GUCY2F: variants seen among roughly 807,000 people sequenced by gnomAD.
The protein encoded by GUCY2F is guanylate cyclase 2F, retinal.
Under a neutral mutation model 73.1 loss-of-function variants are expected in GUCY2F, and 61 were observed. The ratio of observed to expected loss-of-function variants is 0.83; its 90% CI spans 0.68 to 1.03. GUCY2F has a LOEUF of 1.03. Ranked by LOEUF, GUCY2F falls within the 50% of genes least tolerant of loss-of-function variation. The pLI is 0.00. For synonymous variants in GUCY2F, 331 were observed against 307.8 expected (o/e 1.08, Z -0.79); for missense variants, 912 against 854.3 (o/e 1.07, Z -0.84).
intron 2 of GUCY2F, among the ~76,000 whole-genome samples, chrX:109,466,576 AAGTTT>A (rs1221798450): frequency 9.0e-6 from 1 of 111,572 alleles, no homozygotes; most frequent in African/African-American, 3.3e-5. Context: ...CATGCTAAAT[AAGTTT>A]AGTTTAAGCC....
chrX:109,413,279 A>C (rs983092788), intron 8 of GUCY2F, among the ~76,000 whole-genome samples: 3 of 112,286 alleles, frequency 2.7e-5, no homozygotes, highest in Non-Finnish European at 5.6e-5. Flanking sequence ...TAGCAAGATG[A>C]GCATTTACAG....
At chrX:109,450,098 C>T (rs1412570023) in intron 5 of GUCY2F, among the ~76,000 whole-genome samples, 2 of 110,798 alleles carry the variant, frequency 1.8e-5, no homozygotes, top group African/African-American at 6.6e-5. Context: ...AGCTGAAGAA[C>T]CAAGGACCAA....
chrX:109,443,116 A>C (rs1420790982), intron 6 of GUCY2F, among the ~76,000 whole-genome samples: 1 of 111,280 alleles, frequency 9.0e-6, no homozygotes, highest in African/African-American at 3.3e-5. Context: ...AGGCACAGCC[A>C]GCTGCAAGTT....
Position 109,430,292 on chromosome X carries a change from G to A in GUCY2F, c.1791+15C>T, listed in dbSNP as rs957776490. ...TATTTTAGTGGGAATTTACATAAACGAAGATTTCTCATACCATTTCGAACA... is the reference window on the plus strand; with the variant it reads ...TATTTTAGTGGGAATTTACATAAACAAAGATTTCTCATACCATTTCGAACA... On this transcript the variant is annotated intron_variant, in intron 8 of 19. Transcript: ENST00000218006. 1.0e-5 allele frequency: 9 copies of A among 858,168 alleles called. No individual in the cohort carries two copies. The highest frequency in any genetic ancestry group is 2.7e-4 in the Middle Eastern group (1 of 3,696). The allele number at this position is 858,168 out of a possible 1,213,427, so 70.7% of individuals were successfully genotyped here. A position where few individuals can be genotyped will look rare whatever the true frequency, so the allele number is the denominator to read the frequency against.
At chrX:109,385,065 A>C in intron 16 of GUCY2F, 119 bp downstream of exon 16, 1 of 419,835 alleles carries the variant, frequency 2.4e-6, no homozygotes, top group Non-Finnish European at 4.2e-6. Context: ...ATTATCTTTT[A>C]TTTTTCTTTA....
rs1250798897 is a variant in GUCY2F at position 109,453,673 on chromosome X, C to A, written c.1219G>T (p.Val407Leu). 2 of 1,205,874 alleles carry A rather than the reference C, an allele frequency of 1.7e-6. No homozygotes were observed. Among genetic ancestry groups the A allele is most frequent in the East Asian group, 5.9e-5 (2 of 33,811 alleles). ...TCTTTCAAGTTGGTGTCCAGGATTA[C>A]ATATTCTGAAATTCCATTTCCATTT... ...DSNGNGISEY[V>L]ILDTNLKEWE... The change falls in exon 4 of 20, where the codon GTA (valine) becomes TTA (leucine). Residue 407 changes from valine (V) to leucine (L), a missense_variant. By Grantham distance (32) the Val-to-Leu change is conservative (BLOSUM62 1). Transcript: ENST00000218006.
chrX:109,398,775 G>A, intron 10 of GUCY2F, 77 bp from the exon 11 acceptor site: 2 of 935,853 alleles, frequency 2.1e-6, no homozygotes, highest in Non-Finnish European at 1.5e-6. Flanking sequence ...GGGCTCAGAG[G>A]GTACTGTTTT....
chrX:109,393,236 C>T (rs1930614152), intron 12 of GUCY2F, among the ~76,000 whole-genome samples, 181 bp from the exon 13 acceptor site: 1 of 108,986 alleles, frequency 9.2e-6, no homozygotes, highest in Non-Finnish European at 1.9e-5. Flanking sequence ...ATTTACAGGG[C>T]ACTACCACTG....
chrX:109,476,823 A>G (rs867899522), intron 1 of GUCY2F, among the ~76,000 whole-genome samples: 3 of 102,304 alleles, frequency 2.9e-5, no homozygotes, highest in African/African-American at 4.2e-5. Context: ...GTGTATATAT[A>G]TGTGTATATA....
chrX:109,452,975 T>C (rs1170715858), intron 4 of GUCY2F, among the ~76,000 whole-genome samples: 1 of 111,653 alleles, frequency 9.0e-6, no homozygotes, highest in Non-Finnish European at 1.9e-5. Flanking sequence ...GCAATATATT[T>C]GGGAGTGGAA....
chrX:109,481,229 G>C (rs1371423657), intron 1 of GUCY2F, among the ~76,000 whole-genome samples: 2 of 111,835 alleles, frequency 1.8e-5, no homozygotes, highest in Admixed American at 9.5e-5. Context: ...AATGGGAAAT[G>C]TGGATATAAC....
chrX:109,423,537 G>A (rs985968334), intron 8 of GUCY2F, among the ~76,000 whole-genome samples: 1 of 108,186 alleles, frequency 9.2e-6, no homozygotes, highest in Admixed American at 9.9e-5. Flanking sequence ...ACACATAAAT[G>A]TTATACTATT....
Position 109,404,318 on chromosome X carries a change from C to T in GUCY2F, c.2125+10G>A, listed in dbSNP as rs758474656. The T allele has an allele frequency of 8.6e-7, 1 of 1,168,083 alleles. No homozygotes were observed. Among genetic ancestry groups the T allele is most frequent in the Non-Finnish European group, 1.2e-6 (1 of 859,352 alleles). ...TCGTGTGCATCAGAAGGGTACAATTCATTGCTTACCTTCCATAGAAGATTC... is the reference window on the plus strand; with the variant it reads ...TCGTGTGCATCAGAAGGGTACAATTTATTGCTTACCTTCCATAGAAGATTC... On this transcript the variant is annotated intron_variant, in intron 10 of 19. Transcript: ENST00000218006.
chrX:109,413,233 AC>A (rs1227160359), intron 8 of GUCY2F, among the ~76,000 whole-genome samples: 1 of 111,791 alleles, frequency 8.9e-6, no homozygotes, highest in Non-Finnish European at 1.9e-5. Flanking sequence ...ATTCTGGACA[AC>A]CCCAGGATGC....
At chrX:109,464,460 G>A (rs1404968384) in intron 3 of GUCY2F, among the ~76,000 whole-genome samples, 1 of 112,393 alleles carries the variant, frequency 8.9e-6, no homozygotes, top group Non-Finnish European at 1.9e-5. Flanking sequence ...TCCCCACAAA[G>A]GAAAAATGAA....
At chrX:109,378,156 A>G (rs1309259928) in intron 17 of GUCY2F, among the ~76,000 whole-genome samples, 2 of 111,702 alleles carry the variant, frequency 1.8e-5, no homozygotes, top group Non-Finnish European at 3.8e-5. Flanking sequence ...GGTATCTCCT[A>G]TCTTATTTAA....
Position 109,481,918 on chromosome X carries a change from A to C in GUCY2F, c.-138T>G, listed in dbSNP as rs1405492174. 1 of 111,843 alleles carries C rather than the reference A, an allele frequency of 8.9e-6. No individual in the cohort carries two copies. Among genetic ancestry groups the C allele is most frequent in the Non-Finnish European group, 1.9e-5 (1 of 53,117 alleles). 9.2% of individuals were successfully genotyped at this position (111,843 alleles called of 1,213,427 possible). A position where few individuals can be genotyped will look rare whatever the true frequency, so the allele number is the denominator to read the frequency against. ...AGTTTACTGCCTGCGCATGCAGACC[A>C]CTGGCATAGCTACCTCAGTGTGTCC... is the stretch of plus-strand genomic sequence containing the variant. On this transcript the variant is annotated 5_prime_UTR_variant, in exon 1 of 20. Transcript: ENST00000218006.
At chrX:109,381,023 G>A (rs759426098) in intron 17 of GUCY2F, among the ~76,000 whole-genome samples, 46 of 111,994 alleles carry the variant, frequency 4.1e-4, no homozygotes, top group African/African-American at 1.4e-3. Flanking sequence ...AGGTGGGAAA[G>A]GAGCCTCTGT....
chrX:109,465,725 C>T (rs1277680178), intron 2 of GUCY2F, among the ~76,000 whole-genome samples: 2 of 111,720 alleles, frequency 1.8e-5, no homozygotes, highest in Admixed American at 9.5e-5. Flanking sequence ...ACAAAAGAGG[C>T]TTTAGGGTTG....
Sources: allele counts gnomAD v4.1 joint callset (sites outside exome capture counted in the v4.1 genomes callset), GRCh38; gene constraint gnomAD v4.1.1; transcripts MANE v1.5; gene names NCBI Gene and HGNC (gene_info 2026-07-23, HGNC 2026-07-21).